The following WDFY4 variants were observed in gnomAD, a reference collection of about 807,000 sequenced individuals.
WDFY4 encodes the protein WD repeat- and FYVE domain-containing protein 4.
In WDFY4, 169 loss-of-function variants were observed where a neutral mutation model predicts 351.9. The observed-to-expected ratio is 0.48, with a 90% CI of 0.42 to 0.55. WDFY4 has a LOEUF of 0.55. WDFY4 is among the 20% of genes least tolerant of loss of function. The probability of loss-of-function intolerance (pLI) is 0.00; values close to 1 mark genes in which losing one functional copy is unlikely to be tolerated. For synonymous variants in WDFY4, 1,622 were observed against 1,574.6 expected, an observed-to-expected ratio of 1.03 and a Z score of -0.71; for missense variants, 3,803 against 3,935.6, an observed-to-expected ratio of 0.97 and a Z score of 0.90.
At chr10:48,884,649 A>G (rs560349062) in intron 43 of WDFY4, among the ~76,000 whole-genome samples, 1 of 152,166 alleles carries the variant, frequency 6.6e-6, no homozygotes, top group East Asian at 1.9e-4. Flanking sequence ...CTGACTTTTT[A>G]ATTATACAGA....
chr10:48,750,550 C>T (rs1448819337), intron 12 of WDFY4, among the ~76,000 whole-genome samples: 1 of 152,258 alleles, frequency 6.6e-6, no homozygotes, highest in Non-Finnish European at 1.5e-5. Context: ...CTGCCCATCC[C>T]CATCCCATGG....
chr10:48,898,019 C>T (rs1837174183), intron 45 of WDFY4, among the ~76,000 whole-genome samples: 1 of 152,040 alleles, frequency 6.6e-6, no homozygotes, highest in Admixed American at 6.5e-5. Context: ...CCAAGGTGCT[C>T]GCCTATTGCC....
At chr10:48,824,999 G>A (rs1457985394) in intron 35 of WDFY4, among the ~76,000 whole-genome samples, 1 of 152,072 alleles carries the variant, frequency 6.6e-6, no homozygotes, top group East Asian at 1.9e-4. Flanking sequence ...AGGATGTGCA[G>A]GTTTGTTACA....
At chr10:48,723,989 C>T (rs1195308687) in intron 5 of WDFY4, among the ~76,000 whole-genome samples, 1 of 152,070 alleles carries the variant, frequency 6.6e-6, no homozygotes, top group African/African-American at 2.4e-5. Context: ...GTGCCTCTTC[C>T]TTCCTCTCAG....
intron 58 of WDFY4, 31 bp from the exon 59 acceptor site, chr10:48,976,766 G>C: frequency 7.4e-7 from 1 of 1,350,416 alleles, no homozygotes; most frequent in East Asian, 3.0e-5. Context: ...AGTGACTCCA[G>C]CTTAGAGTGA....
intron 39 of WDFY4, among the ~76,000 whole-genome samples, chr10:48,848,274 A>T (rs1182569994): frequency 6.6e-6 from 1 of 152,224 alleles, no homozygotes; most frequent in Admixed American, 6.5e-5. Context: ...ACAGCATTTC[A>T]TCTCCTGGTG....
Position 48,777,137 on chromosome 10 carries a change from G to A in WDFY4, c.3098+153G>A, listed in dbSNP as rs187908096. Among the ~76,000 whole-genome samples, 53 of 152,340 alleles carry A rather than the reference G, an allele frequency of 3.5e-4. No individual in the cohort carries two copies. The East Asian group carries it at 9.6e-3, about 28-fold the overall frequency. On this transcript the variant is annotated intron_variant, in intron 16 of 61. Coordinates refer to ENST00000325239, the MANE Select transcript of WDFY4 (RefSeq NM_001394531.1). ...GGTCATGGACACCCGCCTACTCAGC[G>A]GCCTCCCAGGGGCTGTGTCCCCAGC...
intron 37 of WDFY4, among the ~76,000 whole-genome samples, chr10:48,830,329 C>T (rs1565248422): frequency 6.6e-6 from 1 of 152,118 alleles, no homozygotes; most frequent in Admixed American, 6.5e-5. Context: ...TTGAGTGGAG[C>T]TATTTGACTA....
Position 48,813,996 on chromosome 10 carries a change from C to A in WDFY4, c.5254C>A (p.His1752Asn). The A allele has an allele frequency of 6.4e-7, 1 of 1,550,566 alleles. No homozygotes were observed. Among genetic ancestry groups the A allele is most frequent in the East Asian group, 2.4e-5 (1 of 40,894 alleles). Residue 1752 changes from histidine to asparagine, a missense_variant, in exon 31 of 62, where the codon CAC becomes AAC. Around this residue, in one of 3 missense-constraint regions of WDFY4, gnomAD observed 3,054 missense variants for 3,148.6 expected, o/e 0.97. Transcript: ENST00000325239. Reference sequence around the variant, plus strand: ...CATGCTTCAGTGGCTCCTGCAGAGGCACCACCAGGAAGAAGTCCTCCAGGC... The same window carrying A: ...CATGCTTCAGTGGCTCCTGCAGAGGAACCACCAGGAAGAAGTCCTCCAGGC... ...DAMLQWLLQRHHQEEVLQAGL... is the reference protein window; with the variant it reads ...DAMLQWLLQRNHQEEVLQAGL...
In WDFY4 at chr10:48,850,654, A is replaced by T. The variant is rs1038070849; in HGVS notation, c.6664-16611A>T. On this transcript the variant is annotated intron_variant, in intron 39 of 61. Coordinates refer to ENST00000325239, the MANE Select transcript of WDFY4 (RefSeq NM_001394531.1). ...AACTGGCCTAAAATTGCAAATGCTTATTTCTCACTTGTGCTATGAGTACCC... is the reference window on the plus strand; with the variant it reads ...AACTGGCCTAAAATTGCAAATGCTTTTTTCTCACTTGTGCTATGAGTACCC... 2.0e-5 allele frequency among the ~76,000 whole-genome samples: 3 copies of T among 152,304 alleles called. No individual in the cohort carries two copies. The East Asian group carries it at 5.8e-4, about 29-fold the overall frequency.
intron 40 of WDFY4, among the ~76,000 whole-genome samples, chr10:48,871,580 A>T (rs1386754288): frequency 2.6e-5 from 4 of 151,584 alleles, no homozygotes; most frequent in Admixed American, 2.0e-4. Flanking sequence ...GGCTCAAGAG[A>T]TCCTCCTGCC....
At chr10:48,935,317 C>T (rs1840285523) in intron 47 of WDFY4, 1 of 152,242 alleles carries the variant, frequency 6.6e-6, no homozygotes, top group Non-Finnish European at 1.5e-5. Flanking sequence ...GTCTCTAAGA[C>T]ACTCTAATTT....
At chr10:48,877,256 C>A in intron 43 of WDFY4, 57 bp downstream of exon 43, 1 of 1,497,890 alleles carries the variant, frequency 6.7e-7, no homozygotes, top group South Asian at 1.3e-5. Flanking sequence ...TTAAGATTGT[C>A]AGACAGGAGA....
intron 19 of WDFY4, among the ~76,000 whole-genome samples, chr10:48,780,732 G>A (rs1446255913): frequency 6.6e-6 from 1 of 152,234 alleles, no homozygotes; most frequent in East Asian, 1.9e-4. Flanking sequence ...TGTCAGAGAA[G>A]AGAGGGCCCG....
At position 48,727,493 on chromosome 10, in the gene WDFY4, C is replaced by T; in HGVS notation, c.805C>T (p.Leu269Phe). The T allele has an allele frequency of 6.4e-7, 1 of 1,551,764 alleles. No individual in the cohort carries two copies. Among genetic ancestry groups the T allele is most frequent in the Non-Finnish European group, 8.7e-7 (1 of 1,146,996 alleles). Reference protein sequence around the residue: ...LQATDCVRLSLQNLSRLTDTL... With the variant: ...LQATDCVRLSFQNLSRLTDTL... ...AGCCACAGACTGTGTCAGGCTCTCCCTCCAGAACCTCTCCAGGCTCACGGA... is the reference window on the plus strand; with the variant it reads ...AGCCACAGACTGTGTCAGGCTCTCCTTCCAGAACCTCTCCAGGCTCACGGA... The change falls in exon 7 of 62, where the codon CTC becomes TTC. Residue 269 changes from leucine (L) to phenylalanine (F), a missense_variant. Physicochemically the swap from Leu to Phe is conservative, Grantham distance 22. This residue lies in a region of WDFY4 where 488 missense variants were observed against 456.8 expected (regional missense o/e 1.07). Coordinates refer to ENST00000325239, the MANE Select transcript of WDFY4 (RefSeq NM_001394531.1).
chr10:48,962,780 T>C lies in WDFY4; in HGVS notation c.8224-1062T>C, dbSNP rs370023575. 3.9e-5 allele frequency among the ~76,000 whole-genome samples: 6 copies of C among 152,162 alleles called. No homozygotes were observed. In the South Asian group the frequency reaches 6.2e-4, roughly 16 times the overall value. On this transcript the variant is annotated intron_variant, in intron 53 of 61. Transcript: ENST00000325239. ...CTCGGATCCAGGCTCCATGTTTGAG[T>C]TGAGAATGTCTCCTGTCCTCCCATC...
intron 34 of WDFY4, among the ~76,000 whole-genome samples, chr10:48,821,511 G>A (rs534059229): frequency 2.6e-4 from 39 of 152,310 alleles, no homozygotes; most frequent in Non-Finnish European, 4.3e-4. Flanking sequence ...TTAACCTTCC[G>A]TGCTCAGCAT....
chr10:48,897,669 C>A, intron 45 of WDFY4, 95 bp downstream of exon 45: 2 of 1,486,060 alleles, frequency 1.3e-6, no homozygotes, highest in Non-Finnish European at 1.8e-6. Context: ...ACCTCTGTGA[C>A]TCTTCTTTGT....
At chr10:48,933,910 G>C (rs1210756321) in intron 47 of WDFY4, among the ~76,000 whole-genome samples, 1 of 152,136 alleles carries the variant, frequency 6.6e-6, no homozygotes, top group Admixed American at 6.5e-5. Context: ...AACAGTGAGA[G>C]ACCATTGGAG....
Sources: allele counts gnomAD v4.1 joint callset (sites outside exome capture counted in the v4.1 genomes callset), GRCh38; gene constraint gnomAD v4.1.1; regional missense constraint gnomAD v4.1.1; transcripts MANE v1.5; gene names NCBI Gene and HGNC (gene_info 2026-07-23, HGNC 2026-07-21).